Variants in PDE4D observed in about 807,000 individuals in gnomAD.
PDE4D encodes 3',5'-cyclic-AMP phosphodiesterase 4D.
PDE4D carries 24 observed loss-of-function variants against 87.4 expected under a neutral mutation model. The observed-to-expected ratio is 0.27, with a 90% CI of 0.20 to 0.39. The LOEUF is 0.39. PDE4D is among the 10% of genes least tolerant of loss of function. The pLI is 1.00. For missense variants in PDE4D, 714 were observed against 1,041.0 expected, an observed-to-expected ratio of 0.69 and a Z score of 4.32; for synonymous variants, 384 against 383.2, an observed-to-expected ratio of 1.00 and a Z score of -0.02.
chr5:59,470,157 G>A (rs951683880), intron 1 of PDE4D, among the ~76,000 whole-genome samples: 3 of 152,096 alleles, frequency 2.0e-5, no homozygotes, highest in African/African-American at 7.2e-5. Context: ...TCCTGTAAGT[G>A]CTACCTGTCA....
chr5:59,879,479 C>T (rs1215797537), intron 1 of PDE4D, among the ~76,000 whole-genome samples: 2 of 152,188 alleles, frequency 1.3e-5, no homozygotes, highest in African/African-American at 2.4e-5. Flanking sequence ...AATCAGATGG[C>T]AGTTATATTC....
chr5:60,319,240 T>C (rs994968666), intron 1 of PDE4D, among the ~76,000 whole-genome samples: 4 of 152,196 alleles, frequency 2.6e-5, no homozygotes, highest in Non-Finnish European at 5.9e-5. Context: ...TCATTTGATC[T>C]TCCATCACTG....
chr5:59,566,874 TA>T (rs1821017533), intron 1 of PDE4D, among the ~76,000 whole-genome samples: 2 of 76,080 alleles, frequency 2.6e-5, no homozygotes, highest in South Asian at 1.2e-3. Context: ...CTTTCTGGAC[TA>T]AGAAAAAAAA....
chr5:59,982,234 A>G (rs1403402663), intron 3 of PDE4D, among the ~76,000 whole-genome samples: 1 of 152,206 alleles, frequency 6.6e-6, no homozygotes, highest in Non-Finnish European at 1.5e-5. Flanking sequence ...ACTAGGGATG[A>G]GAAAGTGTTT....
chr5:59,988,331 A>T, intron 3 of PDE4D: 1 of 531,962 alleles, frequency 1.9e-6, no homozygotes, highest in African/African-American at 1.9e-5. Context: ...CAGATATAGA[A>T]ATGTCACCTG....
At chr5:60,057,767 T>C (rs1259448927) in intron 2 of PDE4D, among the ~76,000 whole-genome samples, 1 of 152,018 alleles carries the variant, frequency 6.6e-6, no homozygotes, top group Non-Finnish European at 1.5e-5. Context: ...GATTTGGGTA[T>C]AGGTACTTAT....
At chr5:59,922,931 C>T (rs1322634278) in intron 3 of PDE4D, among the ~76,000 whole-genome samples, 1 of 152,114 alleles carries the variant, frequency 6.6e-6, no homozygotes, top group Non-Finnish European at 1.5e-5. Context: ...GGCCCTGGCT[C>T]TCGGACAGCA....
intron 1 of PDE4D, among the ~76,000 whole-genome samples, chr5:59,554,625 C>A (rs1027747799): frequency 6.6e-6 from 1 of 152,114 alleles, no homozygotes; most frequent in African/African-American, 2.4e-5. Context: ...TAGCATTTTT[C>A]CTTAGGTGTC....
chr5:59,321,594 A>C (rs901120958), intron 1 of PDE4D, among the ~76,000 whole-genome samples: 2 of 152,112 alleles, frequency 1.3e-5, no homozygotes, highest in Non-Finnish European at 2.9e-5. Flanking sequence ...AGAAAGCTAG[A>C]GTTTGGCTCT....
chr5:59,380,584 G>T (rs1239794492), intron 1 of PDE4D, among the ~76,000 whole-genome samples: 1 of 152,094 alleles, frequency 6.6e-6, no homozygotes, highest in Non-Finnish European at 1.5e-5. Context: ...TCTACTTCAG[G>T]CAGTTTCTCA....
At chr5:60,241,315 C>T (rs1414904358) in intron 1 of PDE4D, among the ~76,000 whole-genome samples, 3 of 148,070 alleles carry the variant, frequency 2.0e-5, no homozygotes, top group Admixed American at 2.0e-4. Flanking sequence ...ACTCTGTCAC[C>T]CAGGCTGGAG....
intron 1 of PDE4D, among the ~76,000 whole-genome samples, chr5:60,296,010 G>T (rs1476809146): frequency 1.3e-5 from 2 of 152,146 alleles, no homozygotes; most frequent in Non-Finnish European, 2.9e-5. Flanking sequence ...CCTTCTCACG[G>T]TGTCCTCACA....
intron 1 of PDE4D, among the ~76,000 whole-genome samples, chr5:59,447,762 C>T (rs919945050): frequency 6.6e-6 from 1 of 152,192 alleles, no homozygotes; most frequent in Non-Finnish European, 1.5e-5. Context: ...CAGGATTATA[C>T]TTCCTGCCCC....
intron 1 of PDE4D, among the ~76,000 whole-genome samples, chr5:59,504,420 CCAG>C (rs1276168984): frequency 2.0e-5 from 3 of 152,080 alleles, no homozygotes; most frequent in Admixed American, 2.0e-4. Context: ...CCATCTCAAC[CCAG>C]TTAAATTTGG....
At chr5:60,344,302 G>T (rs1360744952) in intron 1 of PDE4D, among the ~76,000 whole-genome samples, 2 of 152,028 alleles carry the variant, frequency 1.3e-5, no homozygotes, top group Non-Finnish European at 2.9e-5. Flanking sequence ...CTTTGCTAAG[G>T]GATCTAAGTT....
At position 58,974,553 on chromosome 5, in the gene PDE4D, A is replaced by G. The variant is rs942669789; in HGVS notation, c.*111T>C. On this transcript the variant is annotated 3_prime_UTR_variant, in exon 15 of 15. Coordinates refer to ENST00000340635, the MANE Select transcript of PDE4D (RefSeq NM_001104631.2). ...TAGTCAAGGTCAGTTTTGTTCAACAAACGTCCTGGCAGATGACAGTGAGGT... is the reference window on the plus strand; with the variant it reads ...TAGTCAAGGTCAGTTTTGTTCAACAGACGTCCTGGCAGATGACAGTGAGGT... The G allele has an allele frequency of 9.4e-7, 1 of 1,063,712 alleles. No individual in the cohort carries two copies. The highest frequency in any genetic ancestry group is 1.4e-6 in the Non-Finnish European group (1 of 740,480). The allele number at this position is 1,063,712 out of a possible 1,614,324, so 65.9% of individuals were successfully genotyped here.
chr5:59,770,670 A>T (rs1263663080), intron 1 of PDE4D, among the ~76,000 whole-genome samples: 4 of 152,218 alleles, frequency 2.6e-5, no homozygotes, highest in Non-Finnish European at 5.9e-5. Flanking sequence ...AGAAATAAAA[A>T]ATTCAGATGA....
chr5:60,245,871 C>G (rs115128729), intron 1 of PDE4D, among the ~76,000 whole-genome samples: 12,342 of 151,660 alleles, frequency 0.081, 514 homozygotes, highest in Non-Finnish European at 0.097. Flanking sequence ...GCTAGCCCAA[C>G]AGGGTGACTA....
rs1219065433 is a variant in PDE4D, at chr5:59,914,536, A to ATGTATG, written c.272+73951_272+73952insCATACA. On this transcript the variant is annotated intron_variant, in intron 3 of 16. Transcript: ENST00000502484. Reference sequence around the variant, plus strand: ...AGAAAAGACAAAGCCAGGAAGATGTATGTGTGTGTGTGTGTGTGTGTGTGT... The same window carrying ATGTATG: ...AGAAAAGACAAAGCCAGGAAGATGTATGTATGTGTGTGTGTGTGTGTGTGTGTGTGT... Among the ~76,000 whole-genome samples, 259 of 145,422 alleles carry ATGTATG rather than the reference A, an allele frequency of 1.8e-3. 2 individuals are homozygous for ATGTATG. The highest frequency in any genetic ancestry group is 6.2e-3 in the African/African-American group (244 of 39,346).
Sources: allele counts gnomAD v4.1 joint callset (sites outside exome capture counted in the v4.1 genomes callset), GRCh38; gene constraint gnomAD v4.1.1; transcripts MANE v1.5; gene names NCBI Gene and HGNC (gene_info 2026-07-23, HGNC 2026-07-21).